Variants in PUS7 observed in about 807,000 individuals in gnomAD.
The protein encoded by PUS7 is pseudouridine synthase 7.
In PUS7, 48 loss-of-function variants were observed where a neutral mutation model predicts 79.8. The ratio of observed to expected loss-of-function variants is 0.60; its 90% CI spans 0.48 to 0.76. The LOEUF is 0.76. Among genes scored for constraint, PUS7 ranks in the 30% least tolerant of loss-of-function variants. PUS7 has a pLI of 0.00. For synonymous variants in PUS7, 286 were observed against 272.2 expected (o/e 1.05, Z -0.50); for missense variants, 729 against 797.6 (o/e 0.91, Z 1.04).
rs1429902600 is a variant in PUS7, at chr7:105,492,655, G to A, written c.843-1038C>T. ...CAAGTAGCTGGGACTACAGGCGCCC[G>A]CCACTACGCCCGGCTAATTTTTTGT... On this transcript the variant is annotated intron_variant, in intron 6 of 15. Coordinates refer to ENST00000469408, the MANE Select transcript of PUS7 (RefSeq NM_019042.5). 4.0e-5 allele frequency among the ~76,000 whole-genome samples: 6 copies of A among 151,340 alleles called. No homozygotes were observed. The South Asian group carries it at 6.3e-4, about 16-fold the overall frequency.
chr7:105,472,050 A>G (rs746033897), intron 10 of PUS7, 82 bp downstream of exon 10: 28 of 832,474 alleles, frequency 3.4e-5, no homozygotes, highest in Admixed American at 1.6e-4. Context: ...GTCAATTTGC[A>G]CAAAAGCTTT....
intron 7 of PUS7, among the ~76,000 whole-genome samples, chr7:105,490,112 A>T (rs901615260): frequency 1.4e-5 from 2 of 139,192 alleles, no homozygotes; most frequent in African/African-American, 2.6e-5. Flanking sequence ...CAGCAAGACT[A>T]AAAAAAAAAA....
At position 105,492,654 on chromosome 7, in the gene PUS7, C is replaced by T. The variant is rs1289638241; in HGVS notation, c.843-1037G>A. ...CCAAGTAGCTGGGACTACAGGCGCC[C>T]GCCACTACGCCCGGCTAATTTTTTG... On this transcript the variant is annotated intron_variant, in intron 6 of 15. Coordinates refer to ENST00000469408, the MANE Select transcript of PUS7 (RefSeq NM_019042.5). Among the ~76,000 whole-genome samples, 119 of 151,394 alleles carry T rather than the reference C, an allele frequency of 7.9e-4. 1 individual carries two copies. Among genetic ancestry groups the T allele is most frequent in the Non-Finnish European group, 1.3e-3 (85 of 67,820 alleles).
At chr7:105,460,910 C>T (rs1823401597) in intron 14 of PUS7, among the ~76,000 whole-genome samples, 1 of 151,548 alleles carries the variant, frequency 6.6e-6, no homozygotes, top group African/African-American at 2.4e-5. Flanking sequence ...TTTTGTCACC[C>T]AGGCTGGAGG....
rs1206479027 is a variant in PUS7, at chr7:105,459,154, C to G, written c.1849+14G>C. The G allele has an allele frequency of 5.8e-6, 9 of 1,560,022 alleles. No homozygotes were observed. Among genetic ancestry groups the G allele is most frequent in the Non-Finnish European group, 7.9e-6 (9 of 1,138,490 alleles). On this transcript the variant is annotated intron_variant, in intron 15 of 15. Transcript: ENST00000469408. ...TTCAAAGTCAACACAGAGCTGATGA[C>G]TGAGTAAACTTACCAGAAGCAAAAA...
chr7:105,496,194 CACATATATATATAT>C lies in PUS7; in HGVS notation c.731-955_731-942del, dbSNP rs746345100. 3.5e-4 allele frequency among the ~76,000 whole-genome samples: 32 copies of C among 91,620 alleles called. 2 individuals carry two copies. Among genetic ancestry groups the C allele is most frequent in the South Asian group, 4.5e-4 (1 of 2,234 alleles). 60.1% of individuals were successfully genotyped at this position (91,620 alleles called of 152,430 possible). A position where few individuals can be genotyped will look rare whatever the true frequency, so the allele number is the denominator to read the frequency against. On this transcript the variant is annotated intron_variant, in intron 5 of 15. Transcript: ENST00000469408. The stretch of plus-strand genomic sequence containing the variant: ...AAAAGTATGCATATCTACACACACA[CACATATATATATAT>C]ATATATATATATATATATAGAGAGA...
rs764804002 is a variant in PUS7, at chr7:105,508,475, C to G, written c.38G>C (p.Arg13Pro). ...ATTATCTTCGACAACCAGTGCCCCA[C>G]GTTTCAGCGACACACCAGTCATTTC... Reference protein sequence around the residue: ...MTEMTGVSLKRGALVVEDNDS... With the variant: ...MTEMTGVSLKPGALVVEDNDS... Residue 13 changes from arginine (R) to proline (P), a missense_variant, in exon 2 of 16, where the codon CGT (arginine) becomes CCT (proline). Coordinates refer to ENST00000469408, the MANE Select transcript of PUS7 (RefSeq NM_019042.5). The G allele has an allele frequency of 2.0e-5, 32 of 1,613,884 alleles. No homozygotes were observed. Among genetic ancestry groups the G allele is most frequent in the African/African-American group, 2.7e-5 (2 of 74,896 alleles).
At position 105,516,298 on chromosome 7, in the gene PUS7, T is replaced by C. The variant is rs58418861; in HGVS notation, c.-33+5754A>G. Among the ~76,000 whole-genome samples, 389 of 152,268 alleles carry C rather than the reference T, an allele frequency of 2.6e-3. 3 individuals carry two copies. The highest frequency in any genetic ancestry group is 9.0e-3 in the African/African-American group (375 of 41,548). On this transcript the variant is annotated intron_variant, in intron 1 of 15. Transcript: ENST00000469408. ...CCAATGATTTTTAAATCACTTAATA[T>C]ATATTTTTCTAAGTTCTGTCCTATA...
intron 13 of PUS7, among the ~76,000 whole-genome samples, chr7:105,463,581 C>T (rs911324145): frequency 6.6e-6 from 1 of 151,966 alleles, no homozygotes; most frequent in Admixed American, 6.6e-5. Flanking sequence ...TTTCTATCGG[C>T]ATTTGATCAC....
At chr7:105,467,193 C>A (rs55927557) in intron 12 of PUS7, among the ~76,000 whole-genome samples, 6,336 of 151,896 alleles carry the variant, frequency 0.042, 206 homozygotes, top group African/African-American at 0.095. Context: ...CTGGCACACA[C>A]AATGGGCTCC....
rs1823844744 is a variant in PUS7, at chr7:105,470,835, G to C, written c.1251C>G (p.Tyr417Ter). ...LKPRSGAEKG[Y>*]LVKCREEWAK... is the part of the protein sequence containing the mutation. ...CCCATTCTTCTCTGCATTTAACCAA[G>C]TAGCCCTTTTCAGCTGCGGGGGGAA... The change falls in exon 11 of 16, where the codon TAC (tyrosine) becomes TAG (stop). Residue 417 changes from tyrosine to a stop codon, truncating the protein, a stop_gained. Coordinates refer to ENST00000469408, the MANE Select transcript of PUS7 (RefSeq NM_019042.5). LOFTEE classifies it high-confidence loss of function. 6.3e-7 allele frequency: 1 copy of C among 1,594,940 alleles called. No individual in the cohort carries two copies. Among genetic ancestry groups the C allele is most frequent in the Admixed American group, 1.7e-5 (1 of 57,870 alleles).
In PUS7 at chr7:105,506,410, G is replaced by C. The variant is rs1030878598; in HGVS notation, c.399-137C>G. On this transcript the variant is annotated intron_variant, in intron 2 of 15. Coordinates refer to ENST00000469408, the MANE Select transcript of PUS7 (RefSeq NM_019042.5). Reference sequence around the variant, plus strand: ...AAAAATCTTCAGTGCAAAATCACATGGAGTTAATTTTTTTTTTCTTTTTTT... The same window carrying C: ...AAAAATCTTCAGTGCAAAATCACATCGAGTTAATTTTTTTTTTCTTTTTTT... 5 of 614,748 alleles carry C rather than the reference G, an allele frequency of 8.1e-6. No individual in the cohort carries two copies. The African/African-American group carries it at 9.6e-5, about 12-fold the overall frequency. 38.1% of individuals were successfully genotyped at this position (614,748 alleles called of 1,614,324 possible). A position where few individuals can be genotyped will look rare whatever the true frequency, so the allele number is the denominator to read the frequency against.
chr7:105,515,237 C>A (rs902585172), intron 1 of PUS7, among the ~76,000 whole-genome samples: 2 of 152,186 alleles, frequency 1.3e-5, no homozygotes, highest in East Asian at 1.9e-4. Flanking sequence ...AGAAACACTG[C>A]CTATAACCAA....
At chr7:105,461,591 C>A (rs1015913553) in intron 14 of PUS7, among the ~76,000 whole-genome samples, 1 of 152,102 alleles carries the variant, frequency 6.6e-6, no homozygotes, top group Non-Finnish European at 1.5e-5. Flanking sequence ...GTAGTAATAA[C>A]AATAATAACT....
chr7:105,486,458 C>T (rs764077697), intron 7 of PUS7, among the ~76,000 whole-genome samples: 2 of 152,180 alleles, frequency 1.3e-5, no homozygotes, highest in African/African-American at 2.4e-5. Context: ...GTGGTGCAAT[C>T]ATAGCTCACT....
intron 11 of PUS7, among the ~76,000 whole-genome samples, chr7:105,469,985 G>A (rs1476639137): frequency 6.6e-6 from 1 of 152,212 alleles, no homozygotes; most frequent in African/African-American, 2.4e-5. Context: ...GGTTGGACAA[G>A]CCTGCCTTAC....
At chr7:105,460,793 G>C (rs1012128224) in intron 14 of PUS7, among the ~76,000 whole-genome samples, 1 of 136,970 alleles carries the variant, frequency 7.3e-6, no homozygotes, top group Non-Finnish European at 1.5e-5. Context: ...GGCGGAGCTT[G>C]CAGTGAGCCG....
At position 105,472,144 on chromosome 7, in the gene PUS7, G is replaced by A. The variant is rs762234611; in HGVS notation, c.1225C>T (p.Pro409Ser). 2.5e-6 allele frequency: 4 copies of A among 1,597,294 alleles called. No homozygotes were observed. In the East Asian group the frequency reaches 9.0e-5, roughly 36 times the overall value. ...WTEVMDLILKPRSGAEKGYLV... is the reference protein window; with the variant it reads ...WTEVMDLILKSRSGAEKGYLV... ...ATTTTATTCTCACCTCCAGAGCGGG[G>A]TTTCAATATTAAATCCATGACTTCT... is the stretch of plus-strand genomic sequence containing the variant. Residue 409 changes from proline to serine, a missense_variant, in exon 10 of 16, where the codon CCC becomes TCC. Pro to Ser is a moderately conservative substitution (Grantham distance 74). Coordinates refer to ENST00000469408, the MANE Select transcript of PUS7 (RefSeq NM_019042.5).
At chr7:105,515,041 G>T (rs1310854266) in intron 1 of PUS7, among the ~76,000 whole-genome samples, 1 of 152,072 alleles carries the variant, frequency 6.6e-6, no homozygotes, top group Non-Finnish European at 1.5e-5. Context: ...TGATCTGCCC[G>T]CCTTGGCCTC....
Sources: gnomAD v4.1 joint callset for allele counts (sites outside exome capture counted in the v4.1 genomes callset) on GRCh38, gnomAD v4.1.1 for gene constraint, MANE v1.5 for transcripts, NCBI Gene and HGNC (gene_info 2026-07-23, HGNC 2026-07-21) for gene names.